Variants in ZFHX3 observed in about 807,000 individuals in gnomAD.
ZFHX3 encodes zinc finger homeobox protein 3.
A neutral mutation model predicts 279.1 loss-of-function variants in ZFHX3; 42 were observed. The observed-to-expected ratio is 0.15, with a 90% CI of 0.12 to 0.19. The LOEUF (loss-of-function observed/expected upper bound fraction) is 0.19, where lower values mean the gene tolerates loss of function less well. Among genes scored for constraint, ZFHX3 ranks in the 10% least tolerant of loss-of-function variants. The pLI is 1.00. For synonymous variants in ZFHX3, 2,293 were observed against 1,957.8 expected, an observed-to-expected ratio of 1.17 and a Z score of -4.52; for missense variants, 4,981 against 4,754.0, an observed-to-expected ratio of 1.05 and a Z score of -1.40.
chr16:73,691,175 C>G (rs1303430989), intron 1 of ZFHX3, among the ~76,000 whole-genome samples: 1 of 152,126 alleles, frequency 6.6e-6, no homozygotes, highest in Non-Finnish European at 1.5e-5. Context: ...GTTCGCCAAT[C>G]AAAACAAGTG....
At chr16:73,054,588 G>C (rs1354359275) in intron 1 of ZFHX3, among the ~76,000 whole-genome samples, 3 of 151,664 alleles carry the variant, frequency 2.0e-5, no homozygotes, top group African/African-American at 7.3e-5. Context: ...AATTTTTTTG[G>C]AAGAGGTGGC....
At chr16:73,087,847 G>C (rs1351309297) in intron 8 of ZFHX3, among the ~76,000 whole-genome samples, 2 of 150,160 alleles carry the variant, frequency 1.3e-5, no homozygotes, top group Admixed American at 1.3e-4. Context: ...TTTTTTCTGA[G>C]ATGGAGTCTC....
chr16:73,583,471 ATAGAAAATAAGAT>A (rs2051883109), intron 2 of ZFHX3, among the ~76,000 whole-genome samples: 1 of 152,224 alleles, frequency 6.6e-6, no homozygotes, highest in African/African-American at 2.4e-5. Context: ...CTAGGTAGAG[ATAGAAAATAAGAT>A]TGTGTGTCCT....
At chr16:73,256,768 A>C (rs992529257) in intron 5 of ZFHX3, among the ~76,000 whole-genome samples, 1 of 152,244 alleles carries the variant, frequency 6.6e-6, no homozygotes, top group South Asian at 2.1e-4. Flanking sequence ...TCACAAGTAC[A>C]AAGTTAGGAT....
At chr16:72,983,622 G>A (rs1028526977) in intron 1 of ZFHX3, among the ~76,000 whole-genome samples, 4 of 152,092 alleles carry the variant, frequency 2.6e-5, no homozygotes, top group Non-Finnish European at 1.5e-5. Flanking sequence ...TAGAAGGATC[G>A]CTTGAGCCCA....
intron 2 of ZFHX3, among the ~76,000 whole-genome samples, chr16:73,640,568 A>G (rs923101059): frequency 6.6e-6 from 1 of 152,200 alleles, no homozygotes; most frequent in African/African-American, 2.4e-5. Flanking sequence ...GAACAATAAA[A>G]ACTAGAATAC....
intron 6 of ZFHX3, among the ~76,000 whole-genome samples, chr16:73,140,725 G>A (rs1458386306): frequency 6.6e-6 from 1 of 152,186 alleles, no homozygotes; most frequent in Non-Finnish European, 1.5e-5. Context: ...GTGGTGGCAA[G>A]TGCCTATAGT....
At chr16:72,983,622 G>T (rs1028526977) in intron 1 of ZFHX3, among the ~76,000 whole-genome samples, 1 of 152,092 alleles carries the variant, frequency 6.6e-6, no homozygotes. Context: ...TAGAAGGATC[G>T]CTTGAGCCCA....
At chr16:72,846,372 A>G (rs2037480525) in intron 4 of ZFHX3, among the ~76,000 whole-genome samples, 1 of 152,206 alleles carries the variant, frequency 6.6e-6, no homozygotes, top group South Asian at 2.1e-4. Flanking sequence ...GCCTGCTGGA[A>G]GAGCGCTGAG....
Position 72,950,647 on chromosome 16 carries a change from T to G in ZFHX3, c.3038A>C (p.Gln1013Pro). The change falls in exon 3 of 10, where the codon CAG (glutamine) becomes CCG (proline). Residue 1013 changes from glutamine (Q) to proline (P), a missense_variant. Around this residue, in one of 7 missense-constraint regions of ZFHX3, gnomAD observed 1,751 missense variants for 1,770.0 expected, o/e 0.99. Transcript: ENST00000268489. ...GCCCTCCTTGATGTGGGCCACCAGC[T>G]GGTACTTCTGCACGTGCTTGTCTGT... ...CKTDKHVQKY[Q>P]LVAHIKEGGK... 6.2e-7 allele frequency: 1 copy of G among 1,614,226 alleles called. No homozygotes were observed. Among genetic ancestry groups the G allele is most frequent in the Non-Finnish European group, 8.5e-7 (1 of 1,180,036 alleles).
intron 4 of ZFHX3, among the ~76,000 whole-genome samples, chr16:73,269,066 C>A (rs75476016): frequency 6.6e-6 from 1 of 152,250 alleles, no homozygotes; most frequent in South Asian, 2.1e-4. Flanking sequence ...TTAGCCTCAT[C>A]ATCTAACCTA....
chr16:73,470,947 G>C (rs768033338), intron 2 of ZFHX3, among the ~76,000 whole-genome samples: 19 of 152,212 alleles, frequency 1.2e-4, no homozygotes, highest in Non-Finnish European at 2.2e-4. Context: ...AGAAGGCAAA[G>C]AAGTGAATGT....
At chr16:73,126,130 G>A (rs1187931450) in intron 7 of ZFHX3, among the ~76,000 whole-genome samples, 1 of 152,126 alleles carries the variant, frequency 6.6e-6, no homozygotes, top group Non-Finnish European at 1.5e-5. Context: ...TGGGGAGAGA[G>A]CCAAGGACCA....
chr16:73,187,855 A>G (rs578168646), intron 5 of ZFHX3, among the ~76,000 whole-genome samples: 104 of 152,344 alleles, frequency 6.8e-4, no homozygotes, highest in South Asian at 1.2e-3. Context: ...TTATAATGCA[A>G]AAGTTTGGAA....
chr16:72,800,172 A>T, intron 7 of ZFHX3, 43 bp from the exon 8 acceptor site: 2 of 1,525,880 alleles, frequency 1.3e-6, no homozygotes, highest in African/African-American at 2.7e-5. Context: ...GAGGAAAGCG[A>T]CACAAAATAG....
At chr16:72,905,133 C>T (rs1272795363) in intron 3 of ZFHX3, among the ~76,000 whole-genome samples, 1 of 152,192 alleles carries the variant, frequency 6.6e-6, no homozygotes, top group Non-Finnish European at 1.5e-5. Context: ...AGCCACTACA[C>T]CCGGCCCTTT....
intron 3 of ZFHX3, among the ~76,000 whole-genome samples, chr16:73,454,461 A>G (rs2143566249): frequency 6.6e-6 from 1 of 152,234 alleles, no homozygotes; most frequent in Non-Finnish European, 1.5e-5. Context: ...GAATTCCCTA[A>G]GACAGTAATG....
chr16:73,262,486 CT>C (rs1394010142), intron 4 of ZFHX3, among the ~76,000 whole-genome samples: 2 of 152,156 alleles, frequency 1.3e-5, no homozygotes, highest in Admixed American at 6.5e-5. Context: ...CAACCTCTAT[CT>C]GCCTCAGTTT....
At chr16:73,237,346 A>G (rs1289161169) in intron 5 of ZFHX3, among the ~76,000 whole-genome samples, 2 of 152,042 alleles carry the variant, frequency 1.3e-5, no homozygotes, top group Non-Finnish European at 1.5e-5. Flanking sequence ...CCTGGGATCA[A>G]GTAATCCTCT....
Sources: allele counts gnomAD v4.1 joint callset (sites outside exome capture counted in the v4.1 genomes callset), GRCh38; gene constraint gnomAD v4.1.1; regional missense constraint gnomAD v4.1.1; transcripts MANE v1.5; gene names NCBI Gene and HGNC (gene_info 2026-07-23, HGNC 2026-07-21).